The following SUGCT variants were observed in gnomAD, a reference collection of about 807,000 sequenced individuals.
The protein encoded by SUGCT is succinyl-CoA:glutarate CoA-transferase.
Under a neutral mutation model 55.0 loss-of-function variants are expected in SUGCT, and 41 were observed. That is an observed-to-expected ratio of 0.74 (90% CI 0.58 to 0.97). SUGCT has a LOEUF of 0.97. SUGCT is among the 50% of genes least tolerant of loss of function. SUGCT has a pLI of 0.00. For missense variants in SUGCT, 568 were observed against 547.8 expected (o/e 1.04, Z -0.37); for synonymous variants, 187 against 200.4 (o/e 0.93, Z 0.56).
chr7:40,780,681 T>A (rs963943316), intron 13 of SUGCT, among the ~76,000 whole-genome samples: 3 of 152,098 alleles, frequency 2.0e-5, no homozygotes, highest in Non-Finnish European at 2.9e-5. Context: ...AAACCGTTCA[T>A]TTATACTAAT....
chr7:40,932,307 G>A, the SUGCT span, among the ~76,000 whole-genome samples: 1 of 152,208 alleles, frequency 6.6e-6, no homozygotes, highest in Non-Finnish European at 1.5e-5. Context: ...TGTGATTTTT[G>A]TTCTTTTACA....
chr7:40,700,892 G>T (rs1009497011), intron 12 of SUGCT, among the ~76,000 whole-genome samples: 1 of 152,152 alleles, frequency 6.6e-6, no homozygotes, highest in Non-Finnish European at 1.5e-5. Flanking sequence ...GAGGAGAGAA[G>T]AGCCACCGCA....
At chr7:40,326,954 T>C (rs1305234435) in intron 9 of SUGCT, among the ~76,000 whole-genome samples, 2 of 152,174 alleles carry the variant, frequency 1.3e-5, no homozygotes, top group African/African-American at 4.8e-5. Context: ...CCCTTAAAAT[T>C]GCAAAGAATG....
intron 9 of SUGCT, among the ~76,000 whole-genome samples, chr7:40,405,056 C>T (rs1786283600): frequency 6.6e-6 from 1 of 152,138 alleles, no homozygotes; most frequent in African/African-American, 2.4e-5. Flanking sequence ...AAACCCAAAC[C>T]TAAACCTTAT....
chr7:40,867,102 C>T, the SUGCT span, among the ~76,000 whole-genome samples: 2 of 148,860 alleles, frequency 1.3e-5, no homozygotes, highest in African/African-American at 4.9e-5. Flanking sequence ...CAAGACGCAT[C>T]CATGTAAAAT....
chr7:40,507,805 CTTGGTAAAGCCGAACATATGTGTACAT>C (rs1792691883), intron 12 of SUGCT, among the ~76,000 whole-genome samples: 1 of 152,308 alleles, frequency 6.6e-6, no homozygotes, highest in South Asian at 2.1e-4. Flanking sequence ...ATTACCCCTT[CTTGGTAAAGCCGAACATATGTGTACAT>C]CCTTTCTTGC....
At chr7:40,650,285 A>T (rs905005391) in intron 12 of SUGCT, among the ~76,000 whole-genome samples, 4 of 152,164 alleles carry the variant, frequency 2.6e-5, no homozygotes, top group Non-Finnish European at 5.9e-5. Context: ...ACCACATTCT[A>T]TTCATTAGAA....
intron 13 of SUGCT, among the ~76,000 whole-genome samples, chr7:40,827,970 G>A (rs1223708857): frequency 6.6e-6 from 1 of 152,152 alleles, no homozygotes; most frequent in Non-Finnish European, 1.5e-5. Context: ...TCTAGCCTAA[G>A]CTCTGCAATG....
chr7:40,937,176 C>A, the SUGCT span, among the ~76,000 whole-genome samples: 20 of 152,138 alleles, frequency 1.3e-4, no homozygotes, highest in Non-Finnish European at 2.6e-4. Context: ...CCTCCACCCC[C>A]TCACCACCAA....
rs1307063753 is a variant in SUGCT at position 40,401,731 on chromosome 7, C to T, written c.817-47556C>T. 2.6e-5 allele frequency among the ~76,000 whole-genome samples: 4 copies of T among 152,138 alleles called. No homozygotes were observed. In the East Asian group the frequency reaches 7.7e-4, roughly 29 times the overall value. On this transcript the variant is annotated intron_variant, in intron 9 of 13. Transcript: ENST00000335693. Reference sequence around the variant, plus strand: ...TAATCTAAAATAGGAAATACCTCTTCCTAGAAGGGAAGTTTACATAAGACC... The same window carrying T: ...TAATCTAAAATAGGAAATACCTCTTTCTAGAAGGGAAGTTTACATAAGACC...
chr7:40,387,964 G>C (rs557891956), intron 9 of SUGCT: 1 of 152,158 alleles, frequency 6.6e-6, no homozygotes, highest in African/African-American at 2.4e-5. Context: ...AGTTGGAATC[G>C]GATGCAAGTT....
chr7:40,220,843 T>C (rs1434567837), intron 6 of SUGCT, among the ~76,000 whole-genome samples: 1 of 152,198 alleles, frequency 6.6e-6, no homozygotes, highest in Admixed American at 6.5e-5. Context: ...TCTTCCTTGT[T>C]TGGATTGTTG....
the SUGCT span, among the ~76,000 whole-genome samples, chr7:41,026,022 G>A: frequency 2.6e-5 from 4 of 152,138 alleles, no homozygotes; most frequent in Admixed American, 1.3e-4. Context: ...CATTCACATC[G>A]GGATTTCTCT....
At chr7:40,965,438 C>G in the SUGCT span, 2 of 152,032 alleles carry the variant, frequency 1.3e-5, no homozygotes, top group African/African-American at 4.8e-5. Flanking sequence ...GTCTTACCTT[C>G]GTCAATTACT....
At chr7:40,474,050 A>T (rs1285607375) in intron 11 of SUGCT, among the ~76,000 whole-genome samples, 2 of 151,928 alleles carry the variant, frequency 1.3e-5, no homozygotes, top group Admixed American at 1.3e-4. Context: ...TCCCTATGTC[A>T]AGCTGTAGTT....
chr7:40,486,844 G>A (rs1446704731), intron 11 of SUGCT, among the ~76,000 whole-genome samples: 1 of 149,920 alleles, frequency 6.7e-6, no homozygotes, highest in African/African-American at 2.5e-5. Context: ...TCCTGCCCCA[G>A]CCTCCTTGTA....
chr7:40,615,344 C>T (rs921078068), intron 12 of SUGCT, among the ~76,000 whole-genome samples: 1 of 152,108 alleles, frequency 6.6e-6, no homozygotes, highest in Non-Finnish European at 1.5e-5. Context: ...TCTGGACATT[C>T]CCACCTACCC....
At chr7:40,857,669 G>A (rs1035905327) in intron 13 of SUGCT, among the ~76,000 whole-genome samples, 5 of 152,178 alleles carry the variant, frequency 3.3e-5, no homozygotes, top group East Asian at 1.9e-4. Flanking sequence ...AAGTCCAGGC[G>A]CTTAGTACTG....
At chr7:40,489,210 T>C (rs1026147722) in intron 11 of SUGCT, among the ~76,000 whole-genome samples, 3 of 151,966 alleles carry the variant, frequency 2.0e-5, no homozygotes, top group African/African-American at 7.2e-5. Context: ...ATGTTTCTTC[T>C]ACTTGGTTAA....
Sources: allele counts gnomAD v4.1 joint callset (sites outside exome capture counted in the v4.1 genomes callset), GRCh38; gene constraint gnomAD v4.1.1; transcripts MANE v1.5; gene names NCBI Gene and HGNC (gene_info 2026-07-23, HGNC 2026-07-21).